Variants in ACSL5 observed in about 807,000 individuals in gnomAD.
The protein encoded by ACSL5 is long-chain-fatty-acid--CoA ligase 5.
In ACSL5, 50 loss-of-function variants were observed where a neutral mutation model predicts 84.9. The ratio of observed to expected loss-of-function variants is 0.59; its 90% confidence interval spans 0.47 to 0.75. The LOEUF (loss-of-function observed/expected upper bound fraction) is 0.75. Among genes scored for constraint, ACSL5 ranks in the 30% least tolerant of loss-of-function variants. The probability of loss-of-function intolerance (pLI) is 0.00; values close to 1 mark genes in which losing one functional copy is unlikely to be tolerated. For missense variants in ACSL5, 775 were observed against 830.4 expected (o/e 0.93, Z 0.82); for synonymous variants, 280 against 300.7 (o/e 0.93, Z 0.71).
At chr10:112,425,315 A>ATAC in intron 17 of ACSL5, 23 bp from the exon 18 acceptor site, 3 of 1,586,800 alleles carry the variant, frequency 1.9e-6, no homozygotes, top group Non-Finnish European at 2.6e-6. Flanking sequence ...AAAAATACTG[A>ATAC]TACTTTTATC....
intron 1 of ACSL5, among the ~76,000 whole-genome samples, chr10:112,392,655 G>C (rs1843669702): frequency 6.6e-6 from 1 of 151,744 alleles, no homozygotes; most frequent in Non-Finnish European, 1.5e-5. Flanking sequence ...GCAGGAGAAT[G>C]GCGTGAACCC....
At chr10:112,383,705 G>A (rs1188034239) in intron 1 of ACSL5, among the ~76,000 whole-genome samples, 1 of 152,198 alleles carries the variant, frequency 6.6e-6, no homozygotes, top group African/African-American at 2.4e-5. Flanking sequence ...AAGCTGAGGT[G>A]TACACTTAGG....
At chr10:112,376,475 T>G in intron 1 of ACSL5, 1 of 1,613,866 alleles carries the variant, frequency 6.2e-7, no homozygotes, top group Non-Finnish European at 8.5e-7. Context: ...GGGGGTGTTA[T>G]TCAGCAAGGG....
chr10:112,391,974 C>G (rs960719992), intron 1 of ACSL5, among the ~76,000 whole-genome samples: 1 of 152,202 alleles, frequency 6.6e-6, no homozygotes, highest in African/African-American at 2.4e-5. Flanking sequence ...ATCACCACAA[C>G]TGAACAGAAA....
In ACSL5 at chr10:112,376,999, CTGGAGACCCT is replaced by C. The variant is rs1849253862; in HGVS notation, c.-30+2731_-30+2740del. Among the ~76,000 whole-genome samples the C allele has an allele frequency of 6.0e-5, 5 of 82,908 alleles. No individual in the cohort carries two copies. In the East Asian group the frequency reaches 1.1e-3, roughly 18 times the overall value. The allele number at this position is 82,908 out of a possible 152,430, so 54.4% of individuals were successfully genotyped here. A position where few individuals can be genotyped will look rare whatever the true frequency, so the allele number is the denominator to read the frequency against. ...TAAGCACTGGAAAGGGACTCTACCA[CTGGAGACCCT>C]CAGGGAATAAGCACTGGAAAGGGAC... On this transcript the variant is annotated intron_variant, in intron 1 of 20. Transcript: ENST00000354655.
In ACSL5 at chr10:112,397,220, G is replaced by A. The variant is rs561079229; in HGVS notation, c.157-1681G>A. Reference sequence around the variant, plus strand: ...TCTCGCTCTTGTCCCCCAGGTTGGAGTGCAAATGGTGTGATCTTGGCTCAC... The same window carrying A: ...TCTCGCTCTTGTCCCCCAGGTTGGAATGCAAATGGTGTGATCTTGGCTCAC... On this transcript the variant is annotated intron_variant, in intron 2 of 20. Coordinates refer to ENST00000354655, the MANE Select transcript of ACSL5 (RefSeq NM_203379.2). 1.9e-4 allele frequency among the ~76,000 whole-genome samples: 29 copies of A among 150,814 alleles called. 1 individual carries two copies. Among genetic ancestry groups the A allele is most frequent in the Non-Finnish European group, 1.0e-4 (7 of 67,808 alleles).
At chr10:112,376,452 AG>A (rs2133551895) in intron 1 of ACSL5, 1 of 1,613,916 alleles carries the variant, frequency 6.2e-7, no homozygotes, top group East Asian at 2.2e-5. Flanking sequence ...TCGCAGGGTA[AG>A]GGGACCATCG....
At chr10:112,426,152 G>C in intron 18 of ACSL5, 106 bp from the exon 19 acceptor site, 1 of 856,028 alleles carries the variant, frequency 1.2e-6, no homozygotes, top group Non-Finnish European at 1.9e-6. Flanking sequence ...TTAAGGTTTT[G>C]GGGAAATAAC....
chr10:112,381,969 A>T (rs965976981), intron 1 of ACSL5, among the ~76,000 whole-genome samples: 2 of 152,134 alleles, frequency 1.3e-5, no homozygotes, highest in African/African-American at 4.8e-5. Context: ...CCACACAGAC[A>T]CTTCTCCAGC....
chr10:112,413,358 G>A, intron 12 of ACSL5, 51 bp downstream of exon 12: 6 of 1,603,318 alleles, frequency 3.7e-6, no homozygotes, highest in Non-Finnish European at 5.1e-6. Context: ...CTGCACGAAG[G>A]AACTCTGTAC....
Position 112,416,875 on chromosome 10 carries a change from T to A in ACSL5, c.1084-13T>A. The A allele has an allele frequency of 1.2e-6, 2 of 1,613,178 alleles. No individual in the cohort carries two copies. Among genetic ancestry groups the A allele is most frequent in the Non-Finnish European group, 1.7e-6 (2 of 1,179,240 alleles). Reference sequence around the variant, plus strand: ...CAATAGGTTTCCAACTAAAAGGAGCTATCACTCTGCAGGTACAAAATGAGG... The same window carrying A: ...CAATAGGTTTCCAACTAAAAGGAGCAATCACTCTGCAGGTACAAAATGAGG... On this transcript the variant is annotated splice_polypyrimidine_tract_variant and intron_variant, in intron 12 of 20. Coordinates refer to ENST00000354655, the MANE Select transcript of ACSL5 (RefSeq NM_203379.2).
In ACSL5 at chr10:112,409,689, T is replaced by C; in HGVS notation, c.711+4T>C. 2 of 1,613,208 alleles carry C rather than the reference T, an allele frequency of 1.2e-6. No homozygotes were observed. The highest frequency in any genetic ancestry group is 1.7e-6 in the Non-Finnish European group (2 of 1,179,268). On this transcript the variant is annotated splice_donor_region_variant and intron_variant, in intron 7 of 20. Coordinates refer to ENST00000354655, the MANE Select transcript of ACSL5 (RefSeq NM_203379.2). The stretch of plus-strand genomic sequence containing the variant: ...CTTATCCCTATATGATGCTGAGGTA[T>C]GGATCTGAAATTTAGCTTGCAGCTC...
intron 12 of ACSL5, 111 bp from the exon 13 acceptor site, chr10:112,416,777 G>C (rs1844324333): frequency 3.3e-6 from 4 of 1,206,810 alleles, no homozygotes; most frequent in Non-Finnish European, 4.8e-6. Context: ...ATGACTGTGA[G>C]ACTGTGAGAC....
intron 14 of ACSL5, among the ~76,000 whole-genome samples, chr10:112,419,024 T>C (rs1844391244): frequency 6.6e-6 from 1 of 152,148 alleles, no homozygotes; most frequent in Non-Finnish European, 1.5e-5. Context: ...ATATTTTTCA[T>C]TGTTATAATC....
At chr10:112,388,830 G>A (rs1467734632) in intron 1 of ACSL5, among the ~76,000 whole-genome samples, 2 of 152,178 alleles carry the variant, frequency 1.3e-5, no homozygotes, top group African/African-American at 4.8e-5. Flanking sequence ...CATTTGAGGT[G>A]AGGCCTGACC....
At chr10:112,410,299 C>T (rs1178030284) in intron 7 of ACSL5, 164 bp from the exon 8 acceptor site, 6 of 1,547,256 alleles carry the variant, frequency 3.9e-6, no homozygotes, top group Non-Finnish European at 5.2e-6. Context: ...TTCCCTGGGG[C>T]TTCCATTGTT....
chr10:112,404,478 G>A, intron 3 of ACSL5, 33 bp from the exon 4 acceptor site: 2 of 1,556,994 alleles, frequency 1.3e-6, no homozygotes, highest in East Asian at 2.3e-5. Flanking sequence ...ATTTGCAACT[G>A]GAGTTGATTT....
chr10:112,388,954 A>T (rs1849506440), intron 1 of ACSL5, among the ~76,000 whole-genome samples: 1 of 152,216 alleles, frequency 6.6e-6, no homozygotes, highest in Admixed American at 6.5e-5. Context: ...AGTGGGATAT[A>T]TACATAGGAA....
intron 3 of ACSL5, 49 bp downstream of exon 3, chr10:112,399,058 T>C: frequency 6.8e-7 from 1 of 1,477,432 alleles, no homozygotes. Context: ...GTGAGGTCTG[T>C]GGCCCATCTC....
Sources: gnomAD v4.1 joint callset for allele counts (sites outside exome capture counted in the v4.1 genomes callset) on GRCh38, gnomAD v4.1.1 for gene constraint, MANE v1.5 for transcripts, NCBI Gene and HGNC (gene_info 2026-07-23, HGNC 2026-07-21) for gene names.